Variants in SYTL2 observed in about 807,000 individuals in gnomAD.
The protein encoded by SYTL2 is synaptotagmin-like protein 2.
Under a neutral mutation model 198.7 loss-of-function variants are expected in SYTL2, and 165 were observed. That is an observed-to-expected ratio of 0.83 (90% CI 0.73 to 0.94). SYTL2 has a LOEUF of 0.94. Among genes scored for constraint, SYTL2 ranks in the 40% least tolerant of loss-of-function variants. The pLI, the probability that SYTL2 is intolerant of heterozygous loss-of-function variation, is 0.00. For synonymous variants in SYTL2, 966 were observed against 917.7 expected (o/e 1.05, Z -0.95); for missense variants, 2,835 against 2,582.8 (o/e 1.10, Z -2.12).
the SYTL2 span, among the ~76,000 whole-genome samples, chr11:85,833,996 C>T: frequency 1.3e-5 from 2 of 152,014 alleles, no homozygotes; most frequent in Admixed American, 1.3e-4. Context: ...ATCTCGGCCT[C>T]CCAAATTGCT....
chr11:85,741,531 G>C (rs939381472), intron 4 of SYTL2, among the ~76,000 whole-genome samples: 7 of 152,120 alleles, frequency 4.6e-5, no homozygotes, highest in African/African-American at 1.7e-4. Context: ...TATTTTAAGA[G>C]TTCAATATAA....
the SYTL2 span, among the ~76,000 whole-genome samples, chr11:85,835,930 A>G: frequency 6.6e-6 from 1 of 152,184 alleles, no homozygotes; most frequent in Non-Finnish European, 1.5e-5. Flanking sequence ...TCCCATAATC[A>G]GCATGTTTCA....
intron 1 of SYTL2, among the ~76,000 whole-genome samples, chr11:85,788,025 G>A (rs2092666064): frequency 6.6e-6 from 1 of 152,142 alleles, no homozygotes; most frequent in African/African-American, 2.4e-5. Flanking sequence ...GTAGTTATCT[G>A]AGAAATACTT....
At chr11:85,836,444 A>G in the SYTL2 span, among the ~76,000 whole-genome samples, 5 of 152,056 alleles carry the variant, frequency 3.3e-5, no homozygotes, top group African/African-American at 1.2e-4. Flanking sequence ...TTATAGTCTC[A>G]TACATGTATA....
At chr11:85,804,697 C>T (rs145150017) in intron 1 of SYTL2, among the ~76,000 whole-genome samples, 298 of 152,182 alleles carry the variant, frequency 2.0e-3, no homozygotes, top group African/African-American at 6.6e-3. Context: ...AGCAATTAGA[C>T]GTGATATAGT....
chr11:85,788,303 C>T (rs1278978302), intron 1 of SYTL2, among the ~76,000 whole-genome samples: 1 of 152,106 alleles, frequency 6.6e-6, no homozygotes, highest in African/African-American at 2.4e-5. Flanking sequence ...AGACTTTGCA[C>T]GCTTTATCTT....
intron 3 of SYTL2, among the ~76,000 whole-genome samples, 153 bp downstream of exon 3, chr11:85,748,119 A>T (rs561797555): frequency 7.2e-5 from 11 of 152,284 alleles, no homozygotes; most frequent in African/African-American, 2.6e-4. Context: ...ATCCAAATCC[A>T]AGGCAAGGGA....
At chr11:85,776,989 G>A (rs2092462689) in intron 1 of SYTL2, among the ~76,000 whole-genome samples, 1 of 152,170 alleles carries the variant, frequency 6.6e-6, no homozygotes, top group Non-Finnish European at 1.5e-5. Flanking sequence ...CCTGAGCTTT[G>A]GACAGGGGGA....
At chr11:85,756,565 CT>C (rs1279455724) in intron 2 of SYTL2, among the ~76,000 whole-genome samples, 14 of 152,146 alleles carry the variant, frequency 9.2e-5, no homozygotes, top group Non-Finnish European at 2.1e-4. Context: ...AGTCAACTTC[CT>C]GACACATCAA....
Position 85,801,907 on chromosome 11 carries a change from C to T in SYTL2, c.-390+9047G>A, listed in dbSNP as rs146234435. Among the ~76,000 whole-genome samples the T allele has an allele frequency of 1.6e-4, 24 of 152,010 alleles. No individual in the cohort carries two copies. In the East Asian group the frequency reaches 4.6e-3, roughly 29 times the overall value. The stretch of plus-strand genomic sequence containing the variant: ...TCGGCTCACTGCAAACTCCACCTCC[C>T]AGGTTCAAGCGATACTCCTGCCTCA... On this transcript the variant is annotated intron_variant, in intron 1 of 19. Transcript: ENST00000359152.
the SYTL2 span, among the ~76,000 whole-genome samples, chr11:85,841,390 T>C: frequency 6.6e-6 from 1 of 152,192 alleles, no homozygotes; most frequent in South Asian, 2.1e-4. Flanking sequence ...TGCAGCACTA[T>C]TCACAATGGC....
chr11:85,704,724 C>G (rs1312503220), intron 16 of SYTL2, 134 bp downstream of exon 16: 1 of 628,746 alleles, frequency 1.6e-6, no homozygotes, highest in East Asian at 2.7e-5. Context: ...TTTTACCTTT[C>G]TTTTTTTTCC....
chr11:85,845,981 T>C, the SYTL2 span, among the ~76,000 whole-genome samples: 1 of 152,180 alleles, frequency 6.6e-6, no homozygotes, highest in Admixed American at 6.5e-5. Context: ...AGCTCACAGA[T>C]CCTGTAGGTT....
In SYTL2 at chr11:85,797,493, T is replaced by C. The variant is rs1040018382; in HGVS notation, c.-390+13461A>G. ...AAATACAAAAATTAGCTGGGCATGG[T>C]GGCAGGCATCTGTAATCCCAGTTAC... On this transcript the variant is annotated intron_variant, in intron 1 of 19. Transcript: ENST00000359152. Among the ~76,000 whole-genome samples the C allele has an allele frequency of 1.9e-4, 29 of 151,798 alleles. 1 individual carries two copies. Among genetic ancestry groups the C allele is most frequent in the African/African-American group, 6.8e-4 (28 of 41,336 alleles).
At chr11:85,822,570 A>G in the SYTL2 span, among the ~76,000 whole-genome samples, 8 of 152,208 alleles carry the variant, frequency 5.3e-5, no homozygotes, top group Non-Finnish European at 1.2e-4. Context: ...GCTGCTGCTA[A>G]GTTCCACTCC....
At chr11:85,804,944 G>A (rs1368295005) in intron 1 of SYTL2, among the ~76,000 whole-genome samples, 1 of 152,144 alleles carries the variant, frequency 6.6e-6, no homozygotes, top group Non-Finnish European at 1.5e-5. Context: ...GTGAGTCCTT[G>A]GCTGGTAAGT....
At chr11:85,820,225 T>G in the SYTL2 span, among the ~76,000 whole-genome samples, 1 of 152,244 alleles carries the variant, frequency 6.6e-6, no homozygotes, top group Non-Finnish European at 1.5e-5. Context: ...TTGCAGATAT[T>G]GTAAATACTA....
chr11:85,703,661 G>A (rs1310759250), intron 16 of SYTL2, among the ~76,000 whole-genome samples: 2 of 152,112 alleles, frequency 1.3e-5, no homozygotes, highest in Non-Finnish European at 2.9e-5. Context: ...ATAAATCCAG[G>A]AAAGGATAAA....
At chr11:85,697,517 C>G (rs564951392) in intron 18 of SYTL2, among the ~76,000 whole-genome samples, 2 of 152,306 alleles carry the variant, frequency 1.3e-5, no homozygotes, top group Admixed American at 1.3e-4. Flanking sequence ...CCCAAACTGT[C>G]TCAAGCTCTT....
Sources: allele counts gnomAD v4.1 joint callset (sites outside exome capture counted in the v4.1 genomes callset), GRCh38; gene constraint gnomAD v4.1.1; transcripts MANE v1.5; gene names NCBI Gene and HGNC (gene_info 2026-07-23, HGNC 2026-07-21).